The following QKI variants were observed in gnomAD, a reference collection of about 807,000 sequenced individuals.
QKI encodes the protein KH domain-containing RNA-binding protein QKI.
A neutral mutation model predicts 39.0 loss-of-function variants in QKI; 10 were observed. That is an observed-to-expected ratio of 0.26 (90% CI 0.16 to 0.43). QKI has a LOEUF of 0.43. Among genes scored for constraint, QKI ranks in the 20% least tolerant of loss-of-function variants. The pLI, the probability that QKI is intolerant of heterozygous loss-of-function variation, is 1.00. For missense variants in QKI, 218 were observed against 428.0 expected, an observed-to-expected ratio of 0.51 and a Z score of 4.33; for synonymous variants, 204 against 155.4, an observed-to-expected ratio of 1.31 and a Z score of -2.33.
intron 1 of QKI, among the ~76,000 whole-genome samples, chr6:163,419,346 TAAG>T (rs1787801629): frequency 6.6e-6 from 1 of 152,034 alleles, no homozygotes; most frequent in South Asian, 2.1e-4. Context: ...AGCCTTGACT[TAAG>T]AATTATATGG....
At chr6:163,538,735 T>TA (rs1230580117) in intron 4 of QKI, among the ~76,000 whole-genome samples, 1 of 152,080 alleles carries the variant, frequency 6.6e-6, no homozygotes, top group Non-Finnish European at 1.5e-5. Flanking sequence ...CAGTTCAAGT[T>TA]AGAGATTAAA....
chr6:163,569,042 G>A, intron 7 of QKI: 2 of 973,940 alleles, frequency 2.1e-6, no homozygotes, highest in Non-Finnish European at 2.4e-6. Flanking sequence ...ATTTGTATAA[G>A]AAACTTTAAA....
intron 1 of QKI, among the ~76,000 whole-genome samples, chr6:163,417,177 ACT>A (rs770342000): frequency 1.3e-5 from 2 of 151,990 alleles, no homozygotes; most frequent in Non-Finnish European, 2.9e-5. Flanking sequence ...TCAAAATAAC[ACT>A]CTTACTGTCT....
At chr6:163,416,169 G>T in intron 1 of QKI, 1 of 349,992 alleles carries the variant, frequency 2.9e-6, no homozygotes. Flanking sequence ...TGAGTTTGTA[G>T]GACAGGGTTT....
intron 1 of QKI, among the ~76,000 whole-genome samples, chr6:163,417,291 T>G (rs1449403170): frequency 3.9e-5 from 6 of 152,120 alleles, no homozygotes; most frequent in Non-Finnish European, 8.8e-5. Flanking sequence ...AAGGAATCCT[T>G]TATCGACGAT....
At chr6:163,465,174 A>G (rs909068572) in intron 2 of QKI, among the ~76,000 whole-genome samples, 1 of 152,236 alleles carries the variant, frequency 6.6e-6, no homozygotes, top group African/African-American at 2.4e-5. Context: ...GGTATAGAAC[A>G]GTATGCCACA....
intron 1 of QKI, among the ~76,000 whole-genome samples, chr6:163,431,725 G>A (rs114089286): frequency 6.7e-6 from 1 of 149,482 alleles, no homozygotes; most frequent in African/African-American, 2.5e-5. Flanking sequence ...GGTGACCTTT[G>A]TAGCCTTTAT....
chr6:163,456,384 T>C (rs770783176), intron 2 of QKI, among the ~76,000 whole-genome samples: 1 of 152,160 alleles, frequency 6.6e-6, no homozygotes, highest in East Asian at 1.9e-4. Flanking sequence ...GTATCCCTCA[T>C]AATATTGGCA....
intron 6 of QKI, chr6:163,565,806 T>A: frequency 7.3e-7 from 1 of 1,362,660 alleles, no homozygotes; most frequent in Non-Finnish European, 9.6e-7. Flanking sequence ...TTATGTCACA[T>A]CTCACATTAA....
At chr6:163,563,797 A>G (rs1783183259) in intron 6 of QKI, 78 bp downstream of exon 6, 5 of 1,534,326 alleles carry the variant, frequency 3.3e-6, no homozygotes, top group African/African-American at 2.8e-5. Flanking sequence ...AAATGATTTT[A>G]TCAGTTTTAG....
chr6:163,570,822 C>CT lies in QKI; in HGVS notation c.*113dup, dbSNP rs1296250034. On this transcript the variant is annotated 3_prime_UTR_variant, in exon 8 of 8. Coordinates refer to ENST00000361752, the MANE Select transcript of QKI (RefSeq NM_006775.3). Reference sequence around the variant, plus strand: ...GCTTGCCTGTCGTCAGTGCAGCGAGCTGAGGCACTTGTCCGTTCGTCTTAC... The same window carrying CT: ...GCTTGCCTGTCGTCAGTGCAGCGAGCTTGAGGCACTTGTCCGTTCGTCTTAC... The CT allele has an allele frequency of 1.6e-5, 22 of 1,387,480 alleles. No homozygotes were observed. Among genetic ancestry groups the CT allele is most frequent in the African/African-American group, 2.9e-5 (2 of 67,892 alleles). 85.9% of individuals were successfully genotyped at this position (1,387,480 alleles called of 1,614,324 possible). A position where few individuals can be genotyped will look rare whatever the true frequency, so the allele number is the denominator to read the frequency against.
rs980407075 is a variant in QKI, at chr6:163,416,063, G to T, written c.142+728G>T. On this transcript the variant is annotated intron_variant, in intron 1 of 7. Transcript: ENST00000361752. Reference sequence around the variant, plus strand: ...CTTCACTTTTCGGGGGTGGGGGGGGGGGGGGTGGAGTGCGAAATAACGCGA... The same window carrying T: ...CTTCACTTTTCGGGGGTGGGGGGGGTGGGGGTGGAGTGCGAAATAACGCGA... The T allele has an allele frequency of 2.5e-5, 5 of 198,284 alleles. 1 individual carries two copies. Among genetic ancestry groups the T allele is most frequent in the Non-Finnish European group, 4.1e-5 (4 of 98,302 alleles). 12.3% of individuals were successfully genotyped at this position (198,284 alleles called of 1,614,324 possible).
chr6:163,496,631 C>T (rs866660604), intron 3 of QKI, among the ~76,000 whole-genome samples: 1 of 152,142 alleles, frequency 6.6e-6, no homozygotes, highest in Admixed American at 6.5e-5. Flanking sequence ...TGGCTAAAGG[C>T]CCTACGTGGC....
intron 1 of QKI, among the ~76,000 whole-genome samples, chr6:163,445,687 T>C (rs1790099550): frequency 6.6e-6 from 1 of 151,048 alleles, no homozygotes; most frequent in African/African-American, 2.4e-5. Context: ...CCATCTCGGC[T>C]CACTCCAGGC....
In QKI at chr6:163,571,022, G is replaced by T; in HGVS notation, c.*312G>T. On this transcript the variant is annotated 3_prime_UTR_variant, in exon 8 of 8. Coordinates refer to ENST00000361752, the MANE Select transcript of QKI (RefSeq NM_006775.3). The stretch of plus-strand genomic sequence containing the variant: ...TTTTAATATCCCACCCTAAGCGAAC[G>T]GTAAGAAGGCCTCTCTTAAGAAGGG... The T allele has an allele frequency of 4.4e-6, 1 of 224,818 alleles. No individual in the cohort carries two copies. Among genetic ancestry groups the T allele is most frequent in the East Asian group, 9.0e-5 (1 of 11,064 alleles). The allele number at this position is 224,818 out of a possible 1,614,324, so 13.9% of individuals were successfully genotyped here.
intron 3 of QKI, among the ~76,000 whole-genome samples, chr6:163,510,656 T>A (rs1219896436): frequency 6.6e-6 from 1 of 152,128 alleles, no homozygotes; most frequent in Non-Finnish European, 1.5e-5. Context: ...AGTAAAAGAT[T>A]GAAGTGACTA....
At chr6:163,428,167 T>C (rs943069814) in intron 1 of QKI, among the ~76,000 whole-genome samples, 3 of 152,216 alleles carry the variant, frequency 2.0e-5, no homozygotes, top group African/African-American at 7.2e-5. Flanking sequence ...GTATTTTCAT[T>C]GGCATGTGAA....
At chr6:163,565,107 A>G (rs1783271938) in intron 6 of QKI, 1 of 1,019,910 alleles carries the variant, frequency 9.8e-7, no homozygotes, top group Admixed American at 5.2e-5. Flanking sequence ...ATCATTGTAT[A>G]AAGTAATTGC....
intron 4 of QKI, among the ~76,000 whole-genome samples, chr6:163,544,533 C>A (rs1781749458): frequency 6.6e-6 from 1 of 152,040 alleles, no homozygotes; most frequent in Non-Finnish European, 1.5e-5. Flanking sequence ...ATCACTTACA[C>A]TTTGCGTGCC....
Sources: allele counts gnomAD v4.1 joint callset (sites outside exome capture counted in the v4.1 genomes callset), GRCh38; gene constraint gnomAD v4.1.1; transcripts MANE v1.5; gene names NCBI Gene and HGNC (gene_info 2026-07-23, HGNC 2026-07-21).